FAM83G: variants seen among roughly 807,000 people sequenced by gnomAD.
FAM83G encodes the protein scaffolding CK1 anchoring protein G.
In FAM83G, 38 loss-of-function variants were observed where a neutral mutation model predicts 61.5. The ratio of observed to expected loss-of-function variants is 0.62; its 90% CI spans 0.48 to 0.81. The LOEUF (loss-of-function observed/expected upper bound fraction) is 0.81, where lower values mean the gene tolerates loss of function less well. Among genes scored for constraint, FAM83G ranks in the 30% least tolerant of loss-of-function variants. The probability of loss-of-function intolerance (pLI) is 0.00; values close to 1 mark genes in which losing one functional copy is unlikely to be tolerated. For synonymous variants in FAM83G, 470 were observed against 476.1 expected, an observed-to-expected ratio of 0.99 and a Z score of 0.17; for missense variants, 989 against 1,133.6, an observed-to-expected ratio of 0.87 and a Z score of 1.83.
Position 19,003,987 on chromosome 17 carries a change from T to C in FAM83G, c.55A>G (p.Ser19Gly). Residue 19 changes from serine (S) to glycine (G), a missense_variant, in exon 2 of 6, where the codon AGC (serine) becomes GGC (glycine). Coordinates refer to ENST00000388995, the MANE Select transcript of FAM83G (RefSeq NM_001039999.3). This position sits in a 1 kb window ranked among gnomAD's most constrained non-coding sequence, Gnocchi z 4.5. The part of the protein sequence containing the change: ...LDDNHVNWRS[S>G]ESKPEFFYSE... Reference sequence around the variant, plus strand: ...TAGAAGAACTCAGGCTTGGACTCGCTGGAGCGCCAGTTCACATGGTTGTCG... The same window carrying C: ...TAGAAGAACTCAGGCTTGGACTCGCCGGAGCGCCAGTTCACATGGTTGTCG... 1 of 1,612,256 alleles carries C rather than the reference T, an allele frequency of 6.2e-7. No individual in the cohort carries two copies. The highest frequency in any genetic ancestry group is 8.5e-7 in the Non-Finnish European group (1 of 1,179,586).
At chr17:18,973,844 T>A (rs186569686) in intron 5 of FAM83G, among the ~76,000 whole-genome samples, 39 of 151,344 alleles carry the variant, frequency 2.6e-4, no homozygotes, top group African/African-American at 9.5e-4. Flanking sequence ...ACTACAGGCA[T>A]GTGCCACCAC....
At chr17:18,973,241 C>T (rs925467992) in intron 5 of FAM83G, among the ~76,000 whole-genome samples, 2 of 152,264 alleles carry the variant, frequency 1.3e-5, no homozygotes, top group Non-Finnish European at 2.9e-5. Context: ...GCACGGTCTT[C>T]TCTGGGTGGA....
At position 19,004,171 on chromosome 17, in the gene FAM83G, T is replaced by A; in HGVS notation, c.-128-2A>T. On this transcript the variant is annotated splice_acceptor_variant, in intron 1 of 5. Transcript: ENST00000388995. LOFTEE classifies it low-confidence loss of function (5UTR_SPLICE). The surrounding 1 kb of genome is among the most constrained non-coding windows in gnomAD (Gnocchi z 5.4). ...TCTGCTTCTCTGCCCATGAGCAATC[T>A]GCGGGAAAGACCTGATGAGCCCGGC... The A allele has an allele frequency of 1.5e-6, 1 of 659,630 alleles. No homozygotes were observed. The highest frequency in any genetic ancestry group is 2.0e-5 in the South Asian group (1 of 50,240). The allele number at this position is 659,630 out of a possible 1,614,324, so 40.9% of individuals were successfully genotyped here.
chr17:18,994,629 G>A (rs1308168615), intron 2 of FAM83G, among the ~76,000 whole-genome samples: 1 of 152,210 alleles, frequency 6.6e-6, no homozygotes, highest in African/African-American at 2.4e-5. Flanking sequence ...ACCGGGAATA[G>A]TGTATGTGCC....
Position 18,978,196 on chromosome 17 carries a change from C to T in FAM83G, c.1470G>A (p.Glu490=), listed in dbSNP as rs567814890. The T allele has an allele frequency of 5.0e-5, 78 of 1,553,974 alleles. No individual in the cohort carries two copies. The African/African-American group carries it at 1.0e-3, about 20-fold the overall frequency. Residue 490 remains glutamate, a synonymous_variant, in exon 5 of 6, where the codon GAG becomes GAA. Coordinates refer to ENST00000388995, the MANE Select transcript of FAM83G (RefSeq NM_001039999.3). Reference sequence around the variant, plus strand: ...CAGGGTCCCCCTGGGGGAGGCCGTTCTCAGCTGGGACACCGTCCTGGGGGG... The same window carrying T: ...CAGGGTCCCCCTGGGGGAGGCCGTTTTCAGCTGGGACACCGTCCTGGGGGG... The part of the protein sequence containing the change: ...PSAPQDGVPA[E]NGLPQGDPEP...
chr17:19,002,078 G>T (rs1385101604), intron 2 of FAM83G, among the ~76,000 whole-genome samples: 2 of 152,156 alleles, frequency 1.3e-5, no homozygotes, highest in Non-Finnish European at 2.9e-5. Context: ...TGTGGGGCGG[G>T]TCTCTCAGTC....
intron 2 of FAM83G, among the ~76,000 whole-genome samples, chr17:18,991,515 G>C (rs946787417): frequency 6.6e-6 from 1 of 152,166 alleles, no homozygotes; most frequent in African/African-American, 2.4e-5. Flanking sequence ...AAATGAGAGG[G>C]GAGGCTGACT....
Position 18,978,117 on chromosome 17 carries a change from C to T in FAM83G, c.1549G>A (p.Ala517Thr). 1.3e-6 allele frequency: 2 copies of T among 1,518,156 alleles called. No individual in the cohort carries two copies. The highest frequency in any genetic ancestry group is 1.3e-5 in the South Asian group (1 of 75,924). The allele number at this position is 1,518,156 out of a possible 1,614,324, so 94.0% of individuals were successfully genotyped here. Reference protein sequence around the residue: ...PRTVPVADVLARDSSDIGWVL... With the variant: ...PRTVPVADVLTRDSSDIGWVL... ...CAGCCAATATCACTGCTGTCCCGGGCTAGTACATCTGCCACAGGGACTGTC... is the reference window on the plus strand; with the variant it reads ...CAGCCAATATCACTGCTGTCCCGGGTTAGTACATCTGCCACAGGGACTGTC... The change falls in exon 5 of 6, where the codon GCC (alanine) becomes ACC (threonine). Residue 517 changes from alanine to threonine, a missense_variant. Around this residue, in one of 3 missense-constraint regions of FAM83G, gnomAD observed 574 missense variants for 645.1 expected, o/e 0.89. Coordinates refer to ENST00000388995, the MANE Select transcript of FAM83G (RefSeq NM_001039999.3).
At chr17:18,980,451 C>A (rs985942857) in intron 3 of FAM83G, among the ~76,000 whole-genome samples, 4 of 152,134 alleles carry the variant, frequency 2.6e-5, no homozygotes, top group Admixed American at 1.3e-4. Context: ...AGGAGCACAG[C>A]GGGCCCCTCA....
intron 3 of FAM83G, among the ~76,000 whole-genome samples, chr17:18,981,732 G>A (rs2043137931): frequency 6.6e-6 from 1 of 152,210 alleles, no homozygotes; most frequent in Non-Finnish European, 1.5e-5. Context: ...CAGTGCAGAA[G>A]GCAGATAAGC....
At chr17:18,995,307 C>T (rs147749469) in intron 2 of FAM83G, among the ~76,000 whole-genome samples, 63 of 152,020 alleles carry the variant, frequency 4.1e-4, no homozygotes, top group South Asian at 8.3e-4. Context: ...GCCAACAAAT[C>T]GAAATTCAAG....
At chr17:18,983,568 G>A (rs2043190605) in intron 3 of FAM83G, among the ~76,000 whole-genome samples, 1 of 152,224 alleles carries the variant, frequency 6.6e-6, no homozygotes, top group African/African-American at 2.4e-5. Flanking sequence ...GGTCTGAGCT[G>A]GGAACAGTGA....
Position 18,969,430 on chromosome 17 carries a change from CAG to C in FAM83G, c.*1927_*1928del, listed in dbSNP as rs758800741. The C allele has an allele frequency of 1.1e-4, 179 of 1,612,786 alleles. No individual in the cohort carries two copies. Among genetic ancestry groups the C allele is most frequent in the Non-Finnish European group, 1.4e-4 (167 of 1,179,326 alleles). On this transcript the variant is annotated 3_prime_UTR_variant, in exon 6 of 6. Coordinates refer to ENST00000388995, the MANE Select transcript of FAM83G (RefSeq NM_001039999.3). ...TCATCCTGACAATCAAAGGTGAGGA[CAG>C]AGTCTGTGGCCATGGCGGGGCTGTC... is the stretch of plus-strand genomic sequence containing the variant.
upstream of FAM83G, among the ~76,000 whole-genome samples, chr17:19,005,808 C>G (rs999995645): frequency 6.6e-6 from 1 of 152,204 alleles, no homozygotes; most frequent in African/African-American, 2.4e-5. Context: ...CCATATAGCC[C>G]CCCAAGGGCT....
Position 18,979,554 on chromosome 17 carries a change from G to A in FAM83G, c.810C>T (p.Ser270=). The A allele has an allele frequency of 6.2e-7, 1 of 1,613,206 alleles. No homozygotes were observed. ...FVDGDRAVCG[S]YSFTWSAART... ...CCTGAAAGCTGGAGAGTCACCTGTA[G>A]GAGCCGCACACAGCCCGGTCTCCAT... Residue 270 remains serine (S), a synonymous_variant, in exon 4 of 6, where the codon TCC becomes TCT. Transcript: ENST00000388995.
In FAM83G at chr17:18,987,892, G is replaced by T. The variant is rs544785422; in HGVS notation, c.690+355C>A. On this transcript the variant is annotated intron_variant, in intron 3 of 5. Transcript: ENST00000388995. ...TCTCCAGAAAGGCCACGAGCTACCT[G>T]AGGAGGCAGTGAGCACACTATCACC... Among the ~76,000 whole-genome samples the T allele has an allele frequency of 3.9e-5, 6 of 152,352 alleles. No homozygotes were observed. The South Asian group carries it at 1.2e-3, about 32-fold the overall frequency.
In FAM83G at chr17:18,973,872, A is replaced by AT. The variant is rs1460776287; in HGVS notation, c.2083-2125dup. ...GCCACCACACTCGGCTAATTTTTGT[A>AT]TTTTTTTTTAAGTTTTTTTTTTTTT... On this transcript the variant is annotated intron_variant, in intron 5 of 5. Transcript: ENST00000388995. Among the ~76,000 whole-genome samples, 273 of 73,216 alleles carry AT rather than the reference A, an allele frequency of 3.7e-3. 5 individuals are homozygous for AT. Among genetic ancestry groups the AT allele is most frequent in the South Asian group, 0.023 (59 of 2,600 alleles). 48.0% of individuals were successfully genotyped at this position (73,216 alleles called of 152,430 possible).
intron 3 of FAM83G, among the ~76,000 whole-genome samples, chr17:18,987,581 C>T (rs932111111): frequency 2.0e-5 from 3 of 152,192 alleles, no homozygotes; most frequent in African/African-American, 7.2e-5. Context: ...GTGACATGCC[C>T]AAGGACACAC....
Position 18,978,099 on chromosome 17 carries a change from T to C in FAM83G, c.1567A>G (p.Ile523Val). 6.6e-7 allele frequency: 1 copy of C among 1,516,072 alleles called. No individual in the cohort carries two copies. Among genetic ancestry groups the C allele is most frequent in the Non-Finnish European group, 8.8e-7 (1 of 1,136,052 alleles). 93.9% of individuals were successfully genotyped at this position (1,516,072 alleles called of 1,614,324 possible). ...TTGGGGAGCTCCAGGACCCAGCCAA[T>C]ATCACTGCTGTCCCGGGCTAGTACA... The part of the protein sequence containing the change: ...ADVLARDSSD[I>V]GWVLELPKEE... Residue 523 changes from isoleucine (I) to valine (V), a missense_variant, in exon 5 of 6, where the codon ATT (isoleucine) becomes GTT (valine). Coordinates refer to ENST00000388995, the MANE Select transcript of FAM83G (RefSeq NM_001039999.3).
Sources: gnomAD v4.1 joint callset for allele counts (sites outside exome capture counted in the v4.1 genomes callset) on GRCh38, gnomAD v4.1.1 for gene constraint, gnomAD v4.1.1 regional missense constraint, Gnocchi (gnomAD v3.1) non-coding constraint, MANE v1.5 for transcripts, NCBI Gene and HGNC (gene_info 2026-07-23, HGNC 2026-07-21) for gene names.